The following LYPLAL1 variants were observed in gnomAD, a reference collection of about 807,000 sequenced individuals.
LYPLAL1 encodes lysophospholipase-like protein 1.
In LYPLAL1, 23 loss-of-function variants were observed where a neutral mutation model predicts 19.7. That is an observed-to-expected ratio of 1.17 (90% CI 0.84 to 1.65). The LOEUF (loss-of-function observed/expected upper bound fraction) is 1.65, where lower values mean the gene tolerates loss of function less well. LYPLAL1 is among the 40% of genes most tolerant of loss of function. The probability of loss-of-function intolerance (pLI) is 0.00; values close to 1 mark genes in which losing one functional copy is unlikely to be tolerated. For missense variants in LYPLAL1, 355 were observed against 279.4 expected, an observed-to-expected ratio of 1.27 and a Z score of -1.93; for synonymous variants, 119 against 96.3, an observed-to-expected ratio of 1.24 and a Z score of -1.38.
chr1:219,189,680 A>C (rs1656991158), intron 2 of LYPLAL1, among the ~76,000 whole-genome samples: 1 of 151,578 alleles, frequency 6.6e-6, no homozygotes, highest in South Asian at 2.1e-4. Context: ...TCTTTTCTGC[A>C]GCAGTTGAAA....
the LYPLAL1 span, among the ~76,000 whole-genome samples, chr1:219,394,521 TCTA>T: frequency 6.6e-6 from 1 of 152,210 alleles, no homozygotes; most frequent in South Asian, 2.1e-4. Context: ...CAGCTACCAT[TCTA>T]CTTTCTGTCT....
At chr1:219,256,725 C>T in the LYPLAL1 span, among the ~76,000 whole-genome samples, 1 of 151,922 alleles carries the variant, frequency 6.6e-6, no homozygotes, top group Non-Finnish European at 1.5e-5. Flanking sequence ...ATAACGGATT[C>T]CTTCTACACA....
At chr1:219,388,325 C>G in the LYPLAL1 span, among the ~76,000 whole-genome samples, 1 of 152,158 alleles carries the variant, frequency 6.6e-6, no homozygotes, top group East Asian at 1.9e-4. Flanking sequence ...CTCTCTCTCT[C>G]TCCCTCTCTC....
At chr1:219,179,940 C>T (rs945933040) in intron 2 of LYPLAL1, among the ~76,000 whole-genome samples, 9 of 152,036 alleles carry the variant, frequency 5.9e-5, no homozygotes, top group African/African-American at 2.2e-4. Flanking sequence ...TGGAGCTACG[C>T]CCCAATCTGA....
chr1:219,308,691 A>G, the LYPLAL1 span, among the ~76,000 whole-genome samples: 1 of 152,220 alleles, frequency 6.6e-6, no homozygotes, highest in African/African-American at 2.4e-5. Context: ...GCAGGTGAAC[A>G]GAAGTCAAGA....
At chr1:219,356,703 G>A in the LYPLAL1 span, among the ~76,000 whole-genome samples, 3 of 152,008 alleles carry the variant, frequency 2.0e-5, no homozygotes, top group Admixed American at 1.3e-4. Context: ...ATTGTAGATC[G>A]TTTTCTTTGA....
the LYPLAL1 span, among the ~76,000 whole-genome samples, chr1:219,443,227 C>G: frequency 6.6e-6 from 1 of 152,140 alleles, no homozygotes; most frequent in Non-Finnish European, 1.5e-5. Context: ...ACCTTTTATT[C>G]AGCAATGTAT....
the LYPLAL1 span, among the ~76,000 whole-genome samples, chr1:219,355,069 G>A: frequency 6.6e-6 from 1 of 152,166 alleles, no homozygotes; most frequent in Admixed American, 6.5e-5. Flanking sequence ...ATCTAAAGAT[G>A]CATACTGTGA....
chr1:219,241,743 A>G, the LYPLAL1 span, among the ~76,000 whole-genome samples: 36 of 152,348 alleles, frequency 2.4e-4, no homozygotes, highest in Non-Finnish European at 4.1e-4. Flanking sequence ...TAGAAAATCC[A>G]TATAGAGAGT....
the LYPLAL1 span, among the ~76,000 whole-genome samples, chr1:219,228,321 C>A: frequency 1.3e-5 from 2 of 152,042 alleles, no homozygotes; most frequent in African/African-American, 4.8e-5. Flanking sequence ...ATCACCTTTT[C>A]ATGCAGCACA....
At chr1:219,207,743 T>G (rs1003838006) in intron 3 of LYPLAL1, among the ~76,000 whole-genome samples, 1 of 152,062 alleles carries the variant, frequency 6.6e-6, no homozygotes, top group Non-Finnish European at 1.5e-5. Context: ...AGTGGCAGTA[T>G]GTAGAATGTC....
chr1:219,268,647 A>G, the LYPLAL1 span, among the ~76,000 whole-genome samples: 1 of 119,848 alleles, frequency 8.3e-6, no homozygotes, highest in African/African-American at 2.9e-5. Flanking sequence ...AAACAAGTCC[A>G]TATATAAAGG....
the LYPLAL1 span, chr1:219,223,215 C>T: frequency 6.6e-6 from 1 of 151,944 alleles, no homozygotes; most frequent in South Asian, 2.1e-4. Context: ...ACAAATAGGA[C>T]ACCATTTGGG....
the LYPLAL1 span, among the ~76,000 whole-genome samples, chr1:219,442,370 T>G: frequency 6.6e-6 from 1 of 152,178 alleles, no homozygotes; most frequent in Non-Finnish European, 1.5e-5. Context: ...TTAGTTCTCC[T>G]TACACACCTG....
chr1:219,440,028 T>TATATAC, the LYPLAL1 span, among the ~76,000 whole-genome samples: 1 of 144,120 alleles, frequency 6.9e-6, no homozygotes, highest in African/African-American at 2.6e-5. Context: ...CACACACATA[T>TATATAC]ATATATATAT....
chr1:219,360,114 A>G, the LYPLAL1 span, among the ~76,000 whole-genome samples: 1 of 152,222 alleles, frequency 6.6e-6, no homozygotes, highest in Non-Finnish European at 1.5e-5. Context: ...AAGAAAATCC[A>G]AGAGAGCATT....
chr1:219,236,275 G>A, the LYPLAL1 span, among the ~76,000 whole-genome samples: 1 of 152,176 alleles, frequency 6.6e-6, no homozygotes, highest in Non-Finnish European at 1.5e-5. Context: ...GTTTTCAACA[G>A]TTATCACACT....
chr1:219,210,500 T>A, intron 3 of LYPLAL1, 32 bp from the exon 4 acceptor site: 1 of 304,140 alleles, frequency 3.3e-6, no homozygotes, highest in South Asian at 3.5e-5. Context: ...TTATTTTATG[T>A]ATTCTACTTT....
At chr1:219,342,808 CTAAA>C in the LYPLAL1 span, among the ~76,000 whole-genome samples, 1 of 152,052 alleles carries the variant, frequency 6.6e-6, no homozygotes, top group South Asian at 2.1e-4. Context: ...TTTCTAATGT[CTAAA>C]TAGTTTAAGT....
Sources: allele counts gnomAD v4.1 joint callset (sites outside exome capture counted in the v4.1 genomes callset), GRCh38; gene constraint gnomAD v4.1.1; transcripts MANE v1.5; gene names NCBI Gene and HGNC (gene_info 2026-07-23, HGNC 2026-07-21).